The following IMMP2L variants were observed in gnomAD, a reference collection of about 807,000 sequenced individuals.
IMMP2L encodes mitochondrial inner membrane protease subunit 2.
In IMMP2L, 18 loss-of-function variants were observed where a neutral mutation model predicts 19.3. The ratio of observed to expected loss-of-function variants is 0.93; its 90% confidence interval spans 0.64 to 1.38. The LOEUF (loss-of-function observed/expected upper bound fraction) is 1.38, where lower values mean the gene tolerates loss of function less well. IMMP2L is among the 40% of genes most tolerant of loss of function. The probability of loss-of-function intolerance (pLI) is 0.00; values close to 1 mark genes in which losing one functional copy is unlikely to be tolerated. For missense variants in IMMP2L, 233 were observed against 218.2 expected (o/e 1.07, Z -0.43); for synonymous variants, 76 against 73.0 (o/e 1.04, Z -0.21).
chr7:111,217,126 T>TCTCTCTCTCTCACACACA (rs1472700586), intron 3 of IMMP2L, among the ~76,000 whole-genome samples: 2 of 123,998 alleles, frequency 1.6e-5, no homozygotes, highest in African/African-American at 3.2e-5. Context: ...TCTCTCTCTC[T>TCTCTCTCTCTCACACACA]CACACACACA....
At chr7:111,236,171 C>G (rs1814288385) in intron 3 of IMMP2L, among the ~76,000 whole-genome samples, 2 of 151,488 alleles carry the variant, frequency 1.3e-5, no homozygotes, top group African/African-American at 4.9e-5. Flanking sequence ...GATTGATGTT[C>G]TCCTCATTTT....
At chr7:110,927,295 A>C (rs11972181) in intron 4 of IMMP2L, among the ~76,000 whole-genome samples, 1,729 of 152,240 alleles carry the variant, frequency 0.011, 42 homozygotes, top group African/African-American at 0.04. Flanking sequence ...GAGATGCTCT[A>C]GGAATATCAG....
intron 5 of IMMP2L, among the ~76,000 whole-genome samples, chr7:110,746,124 G>C (rs928590438): frequency 6.6e-6 from 1 of 152,074 alleles, no homozygotes; most frequent in African/African-American, 2.4e-5. Flanking sequence ...TGATAAAACA[G>C]ACTTTAAACC....
chr7:110,696,425 C>CTCTT (rs1554396640), intron 5 of IMMP2L, among the ~76,000 whole-genome samples: 10 of 119,850 alleles, frequency 8.3e-5, no homozygotes, highest in Non-Finnish European at 1.2e-4. Context: ...TCCTTTTTCT[C>CTCTT]TTTTTTTTTT....
intron 3 of IMMP2L, among the ~76,000 whole-genome samples, chr7:111,127,846 T>G (rs190048972): frequency 7.7e-4 from 117 of 152,334 alleles, no homozygotes; most frequent in African/African-American, 2.6e-3. Flanking sequence ...ACATATTTTA[T>G]AATTGATACT....
chr7:111,392,810 G>C (rs1400294100), intron 3 of IMMP2L: 1 of 456,384 alleles, frequency 2.2e-6, no homozygotes, highest in Non-Finnish European at 4.4e-6. Flanking sequence ...ACCATTACTG[G>C]TGCATTAAAA....
intron 2 of IMMP2L, among the ~76,000 whole-genome samples, chr7:111,507,065 T>C (rs996604081): frequency 4.6e-5 from 7 of 152,018 alleles, no homozygotes; most frequent in African/African-American, 7.2e-5. Flanking sequence ...GGTCTCAAAC[T>C]CCTGGGCTCA....
intron 5 of IMMP2L, among the ~76,000 whole-genome samples, chr7:110,862,504 A>G (rs1585062879): frequency 1.3e-5 from 2 of 150,674 alleles, no homozygotes; most frequent in Non-Finnish European, 3.0e-5. Context: ...AGGCCCGGCT[A>G]ATTTTTTTTT....
intron 3 of IMMP2L, among the ~76,000 whole-genome samples, chr7:111,384,344 G>C (rs923950811): frequency 6.6e-6 from 1 of 151,730 alleles, no homozygotes; most frequent in Non-Finnish European, 1.5e-5. Context: ...AGGAGGATGA[G>C]GAAGAGAAGA....
intron 5 of IMMP2L, among the ~76,000 whole-genome samples, chr7:110,778,451 C>A (rs890043958): frequency 6.6e-6 from 1 of 151,970 alleles, no homozygotes; most frequent in African/African-American, 2.4e-5. Context: ...TCATCGTTTA[C>A]TTCTGTTGTA....
At chr7:111,008,057 C>A (rs1019207260) in intron 3 of IMMP2L, among the ~76,000 whole-genome samples, 1 of 152,116 alleles carries the variant, frequency 6.6e-6, no homozygotes, top group Non-Finnish European at 1.5e-5. Flanking sequence ...ATTTCCACCA[C>A]TACTGGTCTG....
chr7:110,852,677 T>C (rs1253965010), intron 5 of IMMP2L, among the ~76,000 whole-genome samples: 1 of 152,028 alleles, frequency 6.6e-6, no homozygotes, highest in Non-Finnish European at 1.5e-5. Flanking sequence ...CTGGAATGTC[T>C]CCTTATAAAA....
chr7:111,330,383 T>C (rs1392629519), intron 3 of IMMP2L, among the ~76,000 whole-genome samples: 1 of 151,758 alleles, frequency 6.6e-6, no homozygotes, highest in Non-Finnish European at 1.5e-5. Context: ...TATATATAAA[T>C]GGAATTTCTG....
At chr7:110,945,731 G>A (rs1817185870) in intron 4 of IMMP2L, among the ~76,000 whole-genome samples, 1 of 150,786 alleles carries the variant, frequency 6.6e-6, no homozygotes, top group East Asian at 1.9e-4. Context: ...TCACGGAGAG[G>A]TCAGAGATTG....
At chr7:111,111,309 A>T (rs1217476265) in intron 3 of IMMP2L, among the ~76,000 whole-genome samples, 1 of 151,492 alleles carries the variant, frequency 6.6e-6, no homozygotes, top group African/African-American at 2.4e-5. Context: ...TAAAAAAAAA[A>T]AAAAAAAAAA....
chr7:111,402,794 G>C (rs1263636817), intron 3 of IMMP2L, among the ~76,000 whole-genome samples: 1 of 152,050 alleles, frequency 6.6e-6, no homozygotes, highest in African/African-American at 2.4e-5. Context: ...CTGCATATCT[G>C]TATATTAAAA....
intron 1 of IMMP2L, among the ~76,000 whole-genome samples, chr7:111,550,235 T>A (rs892276660): frequency 6.6e-6 from 1 of 152,092 alleles, no homozygotes; most frequent in African/African-American, 2.4e-5. Flanking sequence ...TCTAACTCTA[T>A]GACATTATGG....
At chr7:111,110,665 A>G (rs745490516) in intron 3 of IMMP2L, among the ~76,000 whole-genome samples, 1 of 152,204 alleles carries the variant, frequency 6.6e-6, no homozygotes, top group Non-Finnish European at 1.5e-5. Context: ...TTAAAGTTCA[A>G]AGAATGTTTC....
At chr7:111,086,567 C>G (rs1184700351) in intron 3 of IMMP2L, among the ~76,000 whole-genome samples, 1 of 152,220 alleles carries the variant, frequency 6.6e-6, no homozygotes, top group African/African-American at 2.4e-5. Context: ...ACCCAACTTG[C>G]TTTAGTTCAA....
Sources: allele counts gnomAD v4.1 joint callset (sites outside exome capture counted in the v4.1 genomes callset), GRCh38; gene constraint gnomAD v4.1.1; transcripts MANE v1.5; gene names NCBI Gene and HGNC (gene_info 2026-07-23, HGNC 2026-07-21).